The following LRP6 variants were observed in gnomAD, a reference collection of about 807,000 sequenced individuals.
The protein encoded by LRP6 is LDL receptor related protein 6.
Under a neutral mutation model 184.1 loss-of-function variants are expected in LRP6, and 43 were observed. That is an observed-to-expected ratio of 0.23 (90% confidence interval 0.18 to 0.30). The LOEUF is 0.30. LRP6 is among the 10% of genes least tolerant of loss of function. The pLI is 1.00. For synonymous variants in LRP6, 719 were observed against 684.9 expected (o/e 1.05, Z -0.78); for missense variants, 1,571 against 2,005.3 (o/e 0.78, Z 4.14).
chr12:12,229,570 TTAATC>T lies in LRP6; in HGVS notation c.449+14687_449+14691del. Reference sequence around the variant, plus strand: ...AGGTTTGGTTGTTTTGTTTTTGTATTTAATCTACCTTAGAATCTACCTTAGAAACC... The same window carrying T: ...AGGTTTGGTTGTTTTGTTTTTGTATTTACCTTAGAATCTACCTTAGAAACC... On this transcript the variant is annotated intron_variant, in intron 2 of 22. Coordinates refer to ENST00000261349, the MANE Select transcript of LRP6 (RefSeq NM_002336.3). 1.3e-5 allele frequency among the ~76,000 whole-genome samples: 2 copies of T among 152,196 alleles called. 1 individual carries two copies. Among genetic ancestry groups the T allele is most frequent in the East Asian group, 3.8e-4 (2 of 5,200 alleles).
At chr12:12,259,535 C>T (rs1865559535) in intron 1 of LRP6, among the ~76,000 whole-genome samples, 1 of 152,028 alleles carries the variant, frequency 6.6e-6, no homozygotes, top group Non-Finnish European at 1.5e-5. Flanking sequence ...TAATTTTCAC[C>T]GAAGAGTCCA....
At chr12:12,237,136 C>A (rs550871874) in intron 2 of LRP6, among the ~76,000 whole-genome samples, 1 of 151,430 alleles carries the variant, frequency 6.6e-6, no homozygotes, top group East Asian at 1.9e-4. Context: ...ATTAGGAGTT[C>A]CATGTCAGGC....
At chr12:12,265,091 G>A (rs1236150035) in intron 1 of LRP6, among the ~76,000 whole-genome samples, 2 of 152,096 alleles carry the variant, frequency 1.3e-5, no homozygotes, top group African/African-American at 4.8e-5. Context: ...CAATCAGCTG[G>A]TTCTCATATT....
chr12:12,154,999 C>T (rs1565571733), intron 12 of LRP6, among the ~76,000 whole-genome samples: 1 of 152,202 alleles, frequency 6.6e-6, no homozygotes, highest in East Asian at 1.9e-4. Context: ...AGTTCAAGAC[C>T]AGCCTGGCCA....
At chr12:12,189,234 TA>T (rs1251301429) in intron 3 of LRP6, among the ~76,000 whole-genome samples, 1 of 152,234 alleles carries the variant, frequency 6.6e-6, no homozygotes, top group African/African-American at 2.4e-5. Flanking sequence ...CTGCAAGCTT[TA>T]TTTCTTCATC....
intron 2 of LRP6, chr12:12,226,562 C>CTGTT (rs1864628927): frequency 6.6e-6 from 1 of 152,136 alleles, no homozygotes; most frequent in East Asian, 1.9e-4. Context: ...TATTAGTATA[C>CTGTT]TGTTCATGGT....
intron 16 of LRP6, 100 bp downstream of exon 16, chr12:12,138,224 GA>G: frequency 8.8e-7 from 1 of 1,134,638 alleles, no homozygotes; most frequent in Non-Finnish European, 1.3e-6. Flanking sequence ...AAAAGTGCAT[GA>G]AAGTCTTCAA....
At chr12:12,211,812 G>A (rs1335689415) in intron 2 of LRP6, among the ~76,000 whole-genome samples, 1 of 152,154 alleles carries the variant, frequency 6.6e-6, no homozygotes, top group African/African-American at 2.4e-5. Flanking sequence ...ACTACTAGAA[G>A]ATAAAGATTA....
chr12:12,138,289 G>T, intron 16 of LRP6, 36 bp downstream of exon 16: 1 of 1,497,106 alleles, frequency 6.7e-7, no homozygotes, highest in Non-Finnish European at 9.3e-7. Flanking sequence ...TATAACACAT[G>T]ATTCCTCCAA....
At chr12:12,265,893 A>C (rs1282625782) in intron 1 of LRP6, among the ~76,000 whole-genome samples, 1 of 152,036 alleles carries the variant, frequency 6.6e-6, no homozygotes, top group Non-Finnish European at 1.5e-5. Flanking sequence ...AATTTACCAA[A>C]GTGCCAAGCA....
chr12:12,197,156 A>T (rs1863783650), intron 3 of LRP6, among the ~76,000 whole-genome samples: 1 of 152,226 alleles, frequency 6.6e-6, no homozygotes, highest in Non-Finnish European at 1.5e-5. Flanking sequence ...CAAGAATTTA[A>T]ACACACTTCA....
At chr12:12,234,846 C>A (rs1360266058) in intron 2 of LRP6, among the ~76,000 whole-genome samples, 3 of 151,472 alleles carry the variant, frequency 2.0e-5, no homozygotes, top group Non-Finnish European at 4.4e-5. Context: ...AGAATATACA[C>A]ATTCACATTC....
intron 2 of LRP6, among the ~76,000 whole-genome samples, chr12:12,226,242 T>C (rs1864619588): frequency 6.6e-6 from 1 of 152,340 alleles, no homozygotes; most frequent in East Asian, 1.9e-4. Flanking sequence ...AAAAGGCCTA[T>C]ATATCACAAT....
intron 15 of LRP6, among the ~76,000 whole-genome samples, chr12:12,143,170 C>T (rs941899740): frequency 2.4e-4 from 36 of 152,154 alleles, no homozygotes; most frequent in Admixed American, 2.6e-4. Flanking sequence ...TTACCACTAG[C>T]GTTTAAAAGC....
At chr12:12,225,805 G>A (rs183230918) in intron 2 of LRP6, among the ~76,000 whole-genome samples, 1 of 151,484 alleles carries the variant, frequency 6.6e-6, no homozygotes, top group East Asian at 1.9e-4. Context: ...CCGGGAGGCA[G>A]AGGTTGCACT....
intron 3 of LRP6, among the ~76,000 whole-genome samples, chr12:12,199,876 A>T (rs1823737163): frequency 6.8e-6 from 1 of 147,734 alleles, no homozygotes; most frequent in African/African-American, 2.5e-5. Context: ...AGTCAGGAGA[A>T]TCGCTTGAAC....
intron 2 of LRP6, among the ~76,000 whole-genome samples, chr12:12,222,121 G>A (rs1353943068): frequency 6.6e-6 from 1 of 152,128 alleles, no homozygotes. Flanking sequence ...AAGTTCACAA[G>A]TACTGCTTAA....
chr12:12,204,245 A>G (rs1177529221), intron 2 of LRP6, among the ~76,000 whole-genome samples: 1 of 142,208 alleles, frequency 7.0e-6, no homozygotes, highest in Non-Finnish European at 1.5e-5. Context: ...ACTACAAAAC[A>G]GTTGGTCTTT....
intron 2 of LRP6, among the ~76,000 whole-genome samples, chr12:12,220,923 C>G (rs146946764): frequency 2.0e-5 from 3 of 152,290 alleles, no homozygotes; most frequent in African/African-American, 4.8e-5. Context: ...TAGATCACAA[C>G]GGCATCCCAA....
Sources: gnomAD v4.1 joint callset for allele counts (sites outside exome capture counted in the v4.1 genomes callset) on GRCh38, gnomAD v4.1.1 for gene constraint, MANE v1.5 for transcripts, NCBI Gene and HGNC (gene_info 2026-07-23, HGNC 2026-07-21) for gene names.